Variants in MARCHF1 observed in about 807,000 individuals in gnomAD.
MARCHF1 encodes membrane associated ring-CH-type finger 1.
MARCHF1 carries 40 observed loss-of-function variants against 54.2 expected under a neutral mutation model. That is an observed-to-expected ratio of 0.74 (90% confidence interval 0.57 to 0.96). MARCHF1 has a LOEUF of 0.96. MARCHF1 is among the 40% of genes least tolerant of loss of function. The pLI is 0.00. For synonymous variants in MARCHF1, 236 were observed against 236.3 expected, an observed-to-expected ratio of 1.00 and a Z score of 0.01; for missense variants, 586 against 656.5, an observed-to-expected ratio of 0.89 and a Z score of 1.17.
intron 4 of MARCHF1, 83 bp downstream of exon 4, chr4:163,853,937 TA>T: frequency 8.5e-7 from 1 of 1,169,642 alleles, no homozygotes; most frequent in Non-Finnish European, 1.2e-6. Flanking sequence ...CGATAACATT[TA>T]CTTATAAGGT....
At chr4:164,081,207 CAAAAAAAAAAAA>C (rs60753810) in intron 2 of MARCHF1, among the ~76,000 whole-genome samples, 6 of 18,406 alleles carry the variant, frequency 3.3e-4, no homozygotes, top group South Asian at 0.011. Flanking sequence ...GACGCTGTCT[CAAAAAAAAAAAA>C]AAAAAAAAAA....
chr4:164,274,486 G>GA (rs1372984071), intron 1 of MARCHF1, among the ~76,000 whole-genome samples: 1 of 151,694 alleles, frequency 6.6e-6, no homozygotes, highest in African/African-American at 2.4e-5. Context: ...TTATTAAGAG[G>GA]AAAATCACCT....
intron 4 of MARCHF1, among the ~76,000 whole-genome samples, chr4:163,767,357 T>C (rs562493111): frequency 1.3e-4 from 19 of 151,226 alleles, no homozygotes; most frequent in Non-Finnish European, 2.7e-4. Flanking sequence ...TTTTTTGAGA[T>C]GGAGTCTCGC....
chr4:163,888,360 T>C (rs1453560245), intron 3 of MARCHF1, among the ~76,000 whole-genome samples: 1 of 152,032 alleles, frequency 6.6e-6, no homozygotes, highest in African/African-American at 2.4e-5. Context: ...AAACAAAATA[T>C]AAAGCAAATC....
At chr4:164,358,823 G>A (rs1730638414) in intron 1 of MARCHF1, among the ~76,000 whole-genome samples, 1 of 152,038 alleles carries the variant, frequency 6.6e-6, no homozygotes. Context: ...TTAAGAACCA[G>A]CTTTTTCTGA....
At position 164,161,283 on chromosome 4, in the gene MARCHF1, G is replaced by T. The variant is rs779096824; in HGVS notation, c.-322-49621C>A. Among the ~76,000 whole-genome samples the T allele has an allele frequency of 2.0e-5, 3 of 152,064 alleles. 1 individual carries two copies. The highest frequency in any genetic ancestry group is 4.1e-4 in the South Asian group (2 of 4,824). ...CTATTGTGTGCTCCAGCCATGGGGT[G>T]TGCCTGCTCCCCCTTCACCTTCTGC... On this transcript the variant is annotated intron_variant, in intron 1 of 9. Coordinates refer to ENST00000514618, the MANE Select transcript of MARCHF1 (RefSeq NM_001394959.1).
Position 164,038,471 on chromosome 4 carries a change from C to T in MARCHF1, c.-247-49762G>A, listed in dbSNP as rs147288289. Among the ~76,000 whole-genome samples, 1,513 of 152,112 alleles carry T rather than the reference C, an allele frequency of 9.9e-3. 18 individuals carry two copies. Among genetic ancestry groups the T allele is most frequent in the African/African-American group, 0.033 (1,384 of 41,514 alleles). On this transcript the variant is annotated intron_variant, in intron 2 of 9. Transcript: ENST00000514618. ...TTGTGCCACTGCACTCCCGCCTGGGCGACAGAGCCAGACTCTGTCTCAAAT... is the reference window on the plus strand; with the variant it reads ...TTGTGCCACTGCACTCCCGCCTGGGTGACAGAGCCAGACTCTGTCTCAAAT...
intron 4 of MARCHF1, among the ~76,000 whole-genome samples, chr4:163,824,936 A>G (rs1340719217): frequency 1.3e-5 from 2 of 148,714 alleles, no homozygotes; most frequent in Non-Finnish European, 3.0e-5. Flanking sequence ...CAAAACCACA[A>G]TGAGATACCA....
chr4:164,189,498 TA>T (rs1232979485), intron 1 of MARCHF1: 11 of 738,092 alleles, frequency 1.5e-5, no homozygotes, highest in Admixed American at 1.2e-4. Flanking sequence ...AGCAACTGGT[TA>T]AAAAGTCCTT....
At chr4:163,960,260 A>G (rs1185236387) in intron 3 of MARCHF1, among the ~76,000 whole-genome samples, 1 of 152,020 alleles carries the variant, frequency 6.6e-6, no homozygotes, top group Non-Finnish European at 1.5e-5. Context: ...TTCCTCAAAG[A>G]GCTAAAAGCA....
chr4:164,007,079 C>T (rs1753307628), intron 2 of MARCHF1, among the ~76,000 whole-genome samples: 1 of 143,524 alleles, frequency 7.0e-6, no homozygotes, highest in African/African-American at 2.6e-5. Flanking sequence ...TGGCTCACAC[C>T]TGTAATCCCA....
intron 3 of MARCHF1, 77 bp downstream of exon 3, chr4:163,988,424 A>G (rs1367804482): frequency 6.6e-6 from 1 of 152,258 alleles, no homozygotes; most frequent in Non-Finnish European, 1.5e-5. Flanking sequence ...AGCCCTTGCC[A>G]TGTCCCACGG....
At chr4:163,593,383 A>C (rs532722117) in intron 7 of MARCHF1, among the ~76,000 whole-genome samples, 13 of 152,218 alleles carry the variant, frequency 8.5e-5, no homozygotes, top group Non-Finnish European at 1.8e-4. Context: ...AAACAAAGGG[A>C]CAGATAATAA....
At chr4:163,907,376 G>A (rs1005964774) in intron 3 of MARCHF1, among the ~76,000 whole-genome samples, 1 of 152,002 alleles carries the variant, frequency 6.6e-6, no homozygotes, top group South Asian at 2.1e-4. Flanking sequence ...GGTGACAAAT[G>A]AGTTGCAAAG....
intron 5 of MARCHF1, among the ~76,000 whole-genome samples, chr4:163,635,372 G>C (rs1449265696): frequency 9.9e-5 from 15 of 151,734 alleles, no homozygotes. Flanking sequence ...AAAAAAGATA[G>C]AAGAATCAAA....
intron 2 of MARCHF1, among the ~76,000 whole-genome samples, chr4:164,070,276 G>A (rs1039988899): frequency 6.6e-6 from 1 of 152,102 alleles, no homozygotes; most frequent in African/African-American, 2.4e-5. Context: ...ATGACACAAT[G>A]TTAAATGTGA....
chr4:163,625,626 T>A (rs981692185), intron 5 of MARCHF1, among the ~76,000 whole-genome samples: 2 of 152,194 alleles, frequency 1.3e-5, no homozygotes, highest in Admixed American at 6.5e-5. Flanking sequence ...TTCTCCTCTG[T>A]GGAAGTGGCA....
chr4:164,094,326 C>T lies in MARCHF1; in HGVS notation c.-248+17262G>A, dbSNP rs551310857. Among the ~76,000 whole-genome samples, 290 of 152,250 alleles carry T rather than the reference C, an allele frequency of 1.9e-3. 1 individual carries two copies. The highest frequency in any genetic ancestry group is 6.4e-3 in the African/African-American group (267 of 41,560). Reference sequence around the variant, plus strand: ...GGGAGGATAATGCTGTAGAGCAATACAGGTACAGGTCAACTAAACTAAGAC... The same window carrying T: ...GGGAGGATAATGCTGTAGAGCAATATAGGTACAGGTCAACTAAACTAAGAC... On this transcript the variant is annotated intron_variant, in intron 2 of 9. Transcript: ENST00000514618.
At chr4:163,726,014 A>G (rs948144765) in intron 4 of MARCHF1, among the ~76,000 whole-genome samples, 2 of 152,124 alleles carry the variant, frequency 1.3e-5, no homozygotes, top group African/African-American at 4.8e-5. Context: ...TCTTTTTAGA[A>G]CAGTTTTAGG....
Sources: gnomAD v4.1 joint callset for allele counts (sites outside exome capture counted in the v4.1 genomes callset) on GRCh38, gnomAD v4.1.1 for gene constraint, MANE v1.5 for transcripts, NCBI Gene and HGNC (gene_info 2026-07-23, HGNC 2026-07-21) for gene names.